Variants in ZAR1 observed in about 807,000 individuals in gnomAD.
ZAR1 encodes zygote arrest protein 1.
In ZAR1, 37 loss-of-function variants were observed where a neutral mutation model predicts 38.3. That is an observed-to-expected ratio of 0.97 (90% confidence interval 0.74 to 1.27). ZAR1 has a LOEUF of 1.27. ZAR1 is among the 50% of genes most tolerant of loss of function. The probability of loss-of-function intolerance (pLI) is 0.00; values close to 1 mark genes in which losing one functional copy is unlikely to be tolerated. For synonymous variants in ZAR1, 336 were observed against 292.0 expected (o/e 1.15, Z -1.53); for missense variants, 651 against 632.4 (o/e 1.03, Z -0.32).
downstream of ZAR1, among the ~76,000 whole-genome samples, chr4:48,497,057 T>G (rs1718652757): frequency 6.6e-6 from 1 of 152,162 alleles, no homozygotes; most frequent in Non-Finnish European, 1.5e-5. Flanking sequence ...AAAATATATT[T>G]TAAAATAAGA....
At chr4:48,493,760 T>TA (rs971640567) in intron 3 of ZAR1, among the ~76,000 whole-genome samples, 1 of 152,236 alleles carries the variant, frequency 6.6e-6, no homozygotes, top group African/African-American at 2.4e-5. Flanking sequence ...GGCATGTTTC[T>TA]AAAAGAGGAT....
At position 48,490,276 on chromosome 4, in the gene ZAR1, C is replaced by T; in HGVS notation, c.-16C>T. On this transcript the variant is annotated 5_prime_UTR_variant, in exon 1 of 4. Coordinates refer to ENST00000327939, the MANE Select transcript of ZAR1 (RefSeq NM_175619.3). ...CGCCTATTTAGGGTGCGGCGGCGGG[C>T]GGGAGCAGTGCGCCCATGGCGGCCC... is the stretch of plus-strand genomic sequence containing the variant. 1.3e-6 allele frequency: 2 copies of T among 1,492,314 alleles called. No homozygotes were observed. Among genetic ancestry groups the T allele is most frequent in the South Asian group, 1.3e-5 (1 of 79,864 alleles). 92.4% of individuals were successfully genotyped at this position (1,492,314 alleles called of 1,614,324 possible). A position where few individuals can be genotyped will look rare whatever the true frequency, so the allele number is the denominator to read the frequency against.
chr4:48,490,354 G>A lies in ZAR1; in HGVS notation c.63G>A (p.Ser21=), dbSNP rs776057525. The part of the protein sequence containing the change: ...GYVFPACPPC[S]YRYPYPAATK... Reference sequence around the variant, plus strand: ...TGTTCCCGGCGTGCCCCCCCTGCTCGTACCGGTACCCATACCCCGCGGCCA... The same window carrying A: ...TGTTCCCGGCGTGCCCCCCCTGCTCATACCGGTACCCATACCCCGCGGCCA... The change falls in exon 1 of 4, where the codon TCG becomes TCA. Residue 21 remains serine (S), a synonymous_variant. Transcript: ENST00000327939. 6.6e-7 allele frequency: 1 copy of A among 1,512,118 alleles called. No homozygotes were observed. The highest frequency in any genetic ancestry group is 2.7e-5 in the East Asian group (1 of 36,454). The allele number at this position is 1,512,118 out of a possible 1,614,324, so 93.7% of individuals were successfully genotyped here. A position where few individuals can be genotyped will look rare whatever the true frequency, so the allele number is the denominator to read the frequency against.
Position 48,490,963 on chromosome 4 carries a change from G to A in ZAR1, c.672G>A (p.Glu224=). The A allele has an allele frequency of 7.4e-7, 1 of 1,352,376 alleles. No homozygotes were observed. The highest frequency in any genetic ancestry group is 9.4e-7 in the Non-Finnish European group (1 of 1,058,726). 83.8% of individuals were successfully genotyped at this position (1,352,376 alleles called of 1,614,324 possible). ...CGCCCGCGCGGCTTCAAGGCCCAGA[G>A]GAGGGGGAGGTGTGGACGAAGAAGG... ...GPPPARLQGP[E]EGEVWTKKAP... is the part of the protein sequence containing the mutation. Residue 224 remains glutamate (E), a synonymous_variant, in exon 1 of 4, where the codon GAG becomes GAA. Coordinates refer to ENST00000327939, the MANE Select transcript of ZAR1 (RefSeq NM_175619.3).
chr4:48,495,259 T>C (rs1362438227), downstream of ZAR1, among the ~76,000 whole-genome samples: 1 of 152,214 alleles, frequency 6.6e-6, no homozygotes, highest in Non-Finnish European at 1.5e-5. Flanking sequence ...GTTGTAGTAT[T>C]GGTTTAATTA....
In ZAR1 at chr4:48,492,874, T is replaced by A; in HGVS notation, c.1056+16T>A. ...AACTAACAAGGTAAGAAATACCAGG[T>A]AACTGGCATCTTCTTGCTGAAAGTG... On this transcript the variant is annotated intron_variant, in intron 2 of 3. Transcript: ENST00000327939. The A allele has an allele frequency of 6.2e-7, 1 of 1,614,080 alleles. No individual in the cohort carries two copies. The highest frequency in any genetic ancestry group is 1.1e-5 in the South Asian group (1 of 91,082).
Position 48,491,181 on chromosome 4 carries a change from G to A in ZAR1, c.890G>A (p.Arg297Gln). 8.1e-7 allele frequency: 1 copy of A among 1,238,560 alleles called. No homozygotes were observed. The highest frequency in any genetic ancestry group is 1.0e-6 in the Non-Finnish European group (1 of 992,970). 76.7% of individuals were successfully genotyped at this position (1,238,560 alleles called of 1,614,324 possible). Residue 297 changes from arginine to glutamine, a missense_variant, in exon 1 of 4, where the codon CGG becomes CAG. By Grantham distance (43) the Arg-to-Gln change is conservative. This residue lies in a region of ZAR1 where 129 missense variants were observed against 172.5 expected (regional missense o/e 0.75). Transcript: ENST00000327939. ...AGRARDGGDG[R>Q]EAAVAGEGPS... is the part of the protein sequence containing the mutation. ...AGGGCCCGAGACGGCGGCGACGGAC[G>A]GGAGGCGGCCGTCGCGGGAGAGGGG... is the stretch of plus-strand genomic sequence containing the variant.
downstream of ZAR1, chr4:48,494,440 T>G: frequency 4.2e-5 from 27 of 640,348 alleles, no homozygotes; most frequent in Non-Finnish European, 6.2e-5. Context: ...CAAGAGCGCT[T>G]GTCTTGTGCT....
rs979523212 is a variant in ZAR1, at chr4:48,491,038, C to A, written c.747C>A (p.Val249=). 28 of 1,354,130 alleles carry A rather than the reference C, an allele frequency of 2.1e-5. No homozygotes were observed. The highest frequency in any genetic ancestry group is 2.6e-5 in the Non-Finnish European group (28 of 1,059,032). The allele number at this position is 1,354,130 out of a possible 1,614,324, so 83.9% of individuals were successfully genotyped here. The change falls in exon 1 of 4, where the codon GTC becomes GTA. Residue 249 remains valine, a synonymous_variant. Coordinates refer to ENST00000327939, the MANE Select transcript of ZAR1 (RefSeq NM_175619.3). ...SDDDGEAQAA[V]RASWEQPADG... is the part of the protein sequence containing the mutation. Reference sequence around the variant, plus strand: ...ACGACGGCGAGGCCCAGGCCGCAGTCCGAGCGAGCTGGGAGCAGCCGGCCG... The same window carrying A: ...ACGACGGCGAGGCCCAGGCCGCAGTACGAGCGAGCTGGGAGCAGCCGGCCG...
chr4:48,490,959 C>T lies in ZAR1; in HGVS notation c.668C>T (p.Pro223Leu), dbSNP rs1456653489. The stretch of plus-strand genomic sequence containing the variant: ...CCGCCGCCCGCGCGGCTTCAAGGCC[C>T]AGAGGAGGGGGAGGTGTGGACGAAG... ...RGPPPARLQG[P>L]EEGEVWTKKA... Residue 223 changes from proline (P) to leucine (L), a missense_variant, in exon 1 of 4, where the codon CCA becomes CTA. Physicochemically the swap from Pro to Leu is moderately conservative, Grantham distance 98. This residue lies in a region of ZAR1 where 522 missense variants were observed against 459.9 expected (regional missense o/e 1.14). Transcript: ENST00000327939. 2.2e-6 allele frequency: 3 copies of T among 1,352,078 alleles called. No homozygotes were observed. Among genetic ancestry groups the T allele is most frequent in the Non-Finnish European group, 1.9e-6 (2 of 1,058,696 alleles). 83.8% of individuals were successfully genotyped at this position (1,352,078 alleles called of 1,614,324 possible). A position where few individuals can be genotyped will look rare whatever the true frequency, so the allele number is the denominator to read the frequency against.
rs763728514 is a variant in ZAR1 at position 48,492,786 on chromosome 4, C to G, written c.984C>G (p.Gly328=). The stretch of plus-strand genomic sequence containing the variant: ...TTCAGTTCTTAGAGCAGAAATATGG[C>G]TATTACCACTGCAAGGACTGCAACA... ...LRFQFLEQKY[G]YYHCKDCNIR... Residue 328 remains glycine, a synonymous_variant, in exon 2 of 4, where the codon GGC becomes GGG. Coordinates refer to ENST00000327939, the MANE Select transcript of ZAR1 (RefSeq NM_175619.3). The G allele has an allele frequency of 3.1e-6, 5 of 1,614,090 alleles. No homozygotes were observed. The highest frequency in any genetic ancestry group is 3.4e-6 in the Non-Finnish European group (4 of 1,179,986).
intron 3 of ZAR1, among the ~76,000 whole-genome samples, 200 bp downstream of exon 3, chr4:48,493,212 T>C (rs1225868076): frequency 2.0e-5 from 3 of 152,240 alleles, no homozygotes; most frequent in Non-Finnish European, 4.4e-5. Flanking sequence ...AATCTTGCTG[T>C]TGTTAACCTC....
downstream of ZAR1, among the ~76,000 whole-genome samples, chr4:48,497,063 TAAG>T (rs2148677247): frequency 6.6e-6 from 1 of 152,296 alleles, no homozygotes; most frequent in East Asian, 1.9e-4. Flanking sequence ...TATTTTAAAA[TAAG>T]AAATCCTGTG....
At chr4:48,497,572 C>T (rs916934433), downstream of ZAR1, 1 of 152,536 alleles carries the variant, frequency 6.6e-6, no homozygotes, top group Admixed American at 6.5e-5. Context: ...AAACCAACAG[C>T]TACAATGCTT....
At chr4:48,492,692 G>GA (rs1718477596) in intron 1 of ZAR1, 74 bp from the exon 2 acceptor site, 2 of 1,458,714 alleles carry the variant, frequency 1.4e-6, no homozygotes, top group East Asian at 4.5e-5. Context: ...ATATCAAGTA[G>GA]ATCCTTCCCA....
chr4:48,496,550 A>C (rs1390470320), downstream of ZAR1, among the ~76,000 whole-genome samples: 2 of 152,224 alleles, frequency 1.3e-5, no homozygotes, highest in Non-Finnish European at 2.9e-5. Flanking sequence ...AGTGAGGATC[A>C]GACTGTTTTA....
At chr4:48,494,043 C>T in intron 3 of ZAR1, 58 bp from the exon 4 acceptor site, 1 of 1,576,844 alleles carries the variant, frequency 6.3e-7, no homozygotes, top group East Asian at 2.3e-5. Flanking sequence ...ATGTTGAAGT[C>T]CTAGGAAATC....
At chr4:48,494,446 G>A, downstream of ZAR1, 1 of 639,062 alleles carries the variant, frequency 1.6e-6, no homozygotes. Context: ...CGCTTGTCTT[G>A]TGCTAACAGT....
chr4:48,493,960 G>A lies in ZAR1; in HGVS notation c.1132-141G>A, dbSNP rs943941459. 3.2e-5 allele frequency: 33 copies of A among 1,017,786 alleles called. No homozygotes were observed. In the African/African-American group the frequency reaches 4.2e-4, roughly 13 times the overall value. 63.0% of individuals were successfully genotyped at this position (1,017,786 alleles called of 1,614,324 possible). ...CTGTCATTGCTACGTAGGTAGGGAT[G>A]TAGAGGGAAAACAAGATTACTATGG... On this transcript the variant is annotated intron_variant, in intron 3 of 3. Transcript: ENST00000327939.
Sources: gnomAD v4.1 joint callset for allele counts (sites outside exome capture counted in the v4.1 genomes callset) on GRCh38, gnomAD v4.1.1 for gene constraint, gnomAD v4.1.1 regional missense constraint, MANE v1.5 for transcripts, NCBI Gene and HGNC (gene_info 2026-07-23, HGNC 2026-07-21) for gene names.